CNTN4: variants seen among roughly 807,000 people sequenced by gnomAD.
The protein encoded by CNTN4 is contactin 4.
CNTN4 carries 77 observed loss-of-function variants against 122.5 expected under a neutral mutation model. That is an observed-to-expected ratio of 0.63 (90% CI 0.52 to 0.76). The LOEUF (loss-of-function observed/expected upper bound fraction) is 0.76, where lower values mean the gene tolerates loss of function less well. Ranked by LOEUF, CNTN4 falls within the 30% of genes least tolerant of loss-of-function variation. CNTN4 has a pLI of 0.00. For synonymous variants in CNTN4, 512 were observed against 447.0 expected (o/e 1.15, Z -1.83); for missense variants, 1,256 against 1,259.1 (o/e 1.00, Z 0.04).
At chr3:2,478,630 G>A (rs993708529) in intron 3 of CNTN4, among the ~76,000 whole-genome samples, 1 of 152,044 alleles carries the variant, frequency 6.6e-6, no homozygotes, top group Non-Finnish European at 1.5e-5. Context: ...TCCCCACCAT[G>A]TGTCCCTTTG....
intron 4 of CNTN4, among the ~76,000 whole-genome samples, chr3:2,666,690 C>T (rs934856777): frequency 1.3e-5 from 2 of 151,706 alleles, no homozygotes; most frequent in Non-Finnish European, 2.9e-5. Context: ...GTGTGCTGCA[C>T]CCATTAATTC....
At chr3:2,949,816 C>T (rs1264907858) in intron 13 of CNTN4, among the ~76,000 whole-genome samples, 1 of 152,190 alleles carries the variant, frequency 6.6e-6, no homozygotes, top group Admixed American at 6.5e-5. Flanking sequence ...ATTTTAGTTA[C>T]TTACAATACC....
intron 2 of CNTN4, among the ~76,000 whole-genome samples, chr3:2,194,612 G>T (rs560295728): frequency 1.3e-5 from 2 of 152,210 alleles, no homozygotes; most frequent in Admixed American, 6.5e-5. Context: ...TAGGATTGTT[G>T]CATGCGTAAT....
rs181309366 is a variant in CNTN4, at chr3:2,782,781, G to C, written c.359-36705G>C. Reference sequence around the variant, plus strand: ...CTCTGCTATTTAATGTATAACAAAAGAAAAAGAAGGCATGTATCCTGGAGC... The same window carrying C: ...CTCTGCTATTTAATGTATAACAAAACAAAAAGAAGGCATGTATCCTGGAGC... On this transcript the variant is annotated intron_variant, in intron 6 of 24. Transcript: ENST00000418658. Among the ~76,000 whole-genome samples, 4 of 152,168 alleles carry C rather than the reference G, an allele frequency of 2.6e-5. No homozygotes were observed. The East Asian group carries it at 7.7e-4, about 29-fold the overall frequency.
intron 4 of CNTN4, among the ~76,000 whole-genome samples, chr3:2,659,384 C>A (rs1306837849): frequency 3.3e-5 from 5 of 149,712 alleles, no homozygotes; most frequent in Non-Finnish European, 7.4e-5. Flanking sequence ...ATCACTTGAA[C>A]CCAGGAGGTG....
chr3:2,661,896 GT>G (rs1013021622), intron 4 of CNTN4, among the ~76,000 whole-genome samples: 2 of 149,308 alleles, frequency 1.3e-5, no homozygotes, highest in Non-Finnish European at 3.0e-5. Context: ...CGTAATAAAT[GT>G]TTTTTAAGTC....
At chr3:2,190,684 G>C (rs1178537219) in intron 2 of CNTN4, among the ~76,000 whole-genome samples, 1 of 151,938 alleles carries the variant, frequency 6.6e-6, no homozygotes, top group East Asian at 1.9e-4. Flanking sequence ...CATCCTAGCA[G>C]ATCTCACCAT....
At chr3:2,159,780 C>T (rs1326195357) in intron 2 of CNTN4, among the ~76,000 whole-genome samples, 2 of 151,578 alleles carry the variant, frequency 1.3e-5, no homozygotes, top group African/African-American at 4.8e-5. Context: ...ATGTTTGTCC[C>T]ACAATCATTT....
intron 8 of CNTN4, among the ~76,000 whole-genome samples, chr3:2,878,262 T>C (rs1027618441): frequency 6.6e-6 from 1 of 152,182 alleles, no homozygotes; most frequent in Admixed American, 6.5e-5. Context: ...CATATACAGA[T>C]CATTTTAGTA....
intron 2 of CNTN4, among the ~76,000 whole-genome samples, chr3:2,231,914 A>G (rs756693879): frequency 4.0e-5 from 6 of 151,540 alleles, no homozygotes; most frequent in Non-Finnish European, 8.8e-5. Context: ...TTAACACAAT[A>G]CAACACATTC....
chr3:2,285,453 T>C (rs928710674), intron 2 of CNTN4, among the ~76,000 whole-genome samples: 1 of 152,112 alleles, frequency 6.6e-6, no homozygotes, highest in African/African-American at 2.4e-5. Flanking sequence ...CATTGGAGCA[T>C]TGGGATACCT....
intron 4 of CNTN4, among the ~76,000 whole-genome samples, chr3:2,623,342 A>C (rs2082064314): frequency 1.3e-5 from 2 of 151,886 alleles, no homozygotes; most frequent in African/African-American, 4.8e-5. Flanking sequence ...CTCATCCTGA[A>C]GCACAGCAAT....
chr3:2,832,055 A>C (rs148312472), intron 7 of CNTN4, among the ~76,000 whole-genome samples: 154 of 152,322 alleles, frequency 1.0e-3, no homozygotes, highest in South Asian at 6.6e-3. Context: ...TGAGAAAGAC[A>C]TTCATGTACC....
intron 6 of CNTN4, among the ~76,000 whole-genome samples, chr3:2,786,576 G>T (rs938814744): frequency 6.6e-6 from 1 of 152,138 alleles, no homozygotes; most frequent in African/African-American, 2.4e-5. Flanking sequence ...TGAAAGACAA[G>T]AAAATGATTC....
intron 3 of CNTN4, among the ~76,000 whole-genome samples, chr3:2,489,596 G>A (rs2076257424): frequency 6.6e-6 from 1 of 152,186 alleles, no homozygotes; most frequent in African/African-American, 2.4e-5. Context: ...AATTTGGGGA[G>A]AGTTATGTAG....
At chr3:2,944,717 A>G (rs935736778) in intron 13 of CNTN4, among the ~76,000 whole-genome samples, 2 of 152,180 alleles carry the variant, frequency 1.3e-5, no homozygotes, top group African/African-American at 4.8e-5. Flanking sequence ...CTTTACCAGA[A>G]CCTTGTCTAA....
At chr3:3,045,969 T>C (rs1700602978) in intron 23 of CNTN4, among the ~76,000 whole-genome samples, 3 of 152,170 alleles carry the variant, frequency 2.0e-5, no homozygotes, top group African/African-American at 7.2e-5. Flanking sequence ...GCACGAGAAC[T>C]ACATGACGAA....
At chr3:2,946,649 C>T (rs34063866) in intron 13 of CNTN4, among the ~76,000 whole-genome samples, 18,247 of 150,394 alleles carry the variant, frequency 0.12, 1,550 homozygotes, top group African/African-American at 0.23. Context: ...ATCCAGACTT[C>T]GGACATCTCT....
chr3:2,677,529 G>A (rs1461504745), intron 4 of CNTN4, among the ~76,000 whole-genome samples: 2 of 134,900 alleles, frequency 1.5e-5, no homozygotes, highest in Non-Finnish European at 3.1e-5. Flanking sequence ...TATCTGTAGA[G>A]AGAAAGAGCA....
Sources: gnomAD v4.1 joint callset for allele counts (sites outside exome capture counted in the v4.1 genomes callset) on GRCh38, gnomAD v4.1.1 for gene constraint, MANE v1.5 for transcripts, NCBI Gene and HGNC (gene_info 2026-07-23, HGNC 2026-07-21) for gene names.